NRG3: variants seen among roughly 807,000 people sequenced by gnomAD.
NRG3 encodes the protein pro-neuregulin-3, membrane-bound isoform.
A neutral mutation model predicts 66.9 loss-of-function variants in NRG3; 31 were observed. The ratio of observed to expected loss-of-function variants is 0.46; its 90% CI spans 0.35 to 0.63. The LOEUF (loss-of-function observed/expected upper bound fraction) is 0.63, where lower values mean the gene tolerates loss of function less well. NRG3 is among the 20% of genes least tolerant of loss of function. The probability of loss-of-function intolerance (pLI) is 0.00; values close to 1 mark genes in which losing one functional copy is unlikely to be tolerated. For missense variants in NRG3, 910 were observed against 878.9 expected (o/e 1.04, Z -0.45); for synonymous variants, 393 against 359.4 (o/e 1.09, Z -1.06).
chr10:82,409,813 A>G (rs937176109), intron 2 of NRG3, among the ~76,000 whole-genome samples: 2 of 152,146 alleles, frequency 1.3e-5, no homozygotes, highest in Non-Finnish European at 2.9e-5. Context: ...TGGCCTGCTC[A>G]TATAAGATGG....
At chr10:82,902,986 T>A (rs888198301) in intron 4 of NRG3, among the ~76,000 whole-genome samples, 4 of 152,122 alleles carry the variant, frequency 2.6e-5, no homozygotes, top group Non-Finnish European at 5.9e-5. Context: ...AAGTTAGGCA[T>A]GTCATGAATA....
intron 3 of NRG3, among the ~76,000 whole-genome samples, chr10:82,850,113 A>G (rs2063492980): frequency 6.6e-6 from 1 of 152,190 alleles, no homozygotes. Context: ...AAAGCATTGC[A>G]TATACAAGGA....
intron 2 of NRG3, among the ~76,000 whole-genome samples, chr10:82,524,626 T>C (rs996153951): frequency 2.0e-5 from 3 of 151,920 alleles, no homozygotes; most frequent in African/African-American, 7.2e-5. Flanking sequence ...ATTCACTGAG[T>C]TCCAGTAACA....
intron 1 of NRG3, among the ~76,000 whole-genome samples, chr10:81,964,269 C>A (rs2059641238): frequency 6.6e-6 from 1 of 151,516 alleles, no homozygotes; most frequent in Non-Finnish European, 1.5e-5. Context: ...TGTAGAATAA[C>A]TTTATTCTTT....
intron 1 of NRG3, among the ~76,000 whole-genome samples, chr10:81,977,361 T>C (rs1564706239): frequency 6.6e-6 from 1 of 152,214 alleles, no homozygotes; most frequent in Non-Finnish European, 1.5e-5. Flanking sequence ...GCTTGACATA[T>C]GTTAAATTCT....
chr10:82,122,480 A>G (rs565600671), intron 1 of NRG3, among the ~76,000 whole-genome samples: 271 of 152,296 alleles, frequency 1.8e-3, no homozygotes, highest in African/African-American at 6.0e-3. Context: ...GCCATTACAC[A>G]GTCTGATGAT....
intron 2 of NRG3, among the ~76,000 whole-genome samples, chr10:82,458,140 G>A (rs901725831): frequency 6.6e-6 from 1 of 152,094 alleles, no homozygotes; most frequent in African/African-American, 2.4e-5. Flanking sequence ...TTCCAGACAG[G>A]CTCTTCACAA....
intron 4 of NRG3, among the ~76,000 whole-genome samples, chr10:82,923,616 A>T (rs1846675697): frequency 6.6e-6 from 1 of 152,270 alleles, no homozygotes; most frequent in South Asian, 2.1e-4. Context: ...TTTGGTAAAT[A>T]TACAAATGTA....
At chr10:82,884,865 T>C (rs952020199) in intron 4 of NRG3, among the ~76,000 whole-genome samples, 1 of 152,226 alleles carries the variant, frequency 6.6e-6, no homozygotes, top group African/African-American at 2.4e-5. Flanking sequence ...GTAATGTGTA[T>C]ATTAAAGTTC....
chr10:82,435,779 C>CTTTTTTTTTTTTTT (rs1158502018), intron 2 of NRG3, among the ~76,000 whole-genome samples: 2 of 108,270 alleles, frequency 1.8e-5, no homozygotes, highest in African/African-American at 3.7e-5. Flanking sequence ...CTTTTCTTTT[C>CTTTTTTTTTTTTTT]TTTTTTTTTT....
At chr10:82,214,517 T>G (rs2133683824) in intron 1 of NRG3, among the ~76,000 whole-genome samples, 1 of 152,298 alleles carries the variant, frequency 6.6e-6, no homozygotes, top group East Asian at 1.9e-4. Context: ...TAGGCCGGAA[T>G]GCAGTGGTGC....
At chr10:82,637,695 G>A (rs1350379218) in intron 2 of NRG3, among the ~76,000 whole-genome samples, 1 of 152,146 alleles carries the variant, frequency 6.6e-6, no homozygotes, top group Non-Finnish European at 1.5e-5. Context: ...CTGAAGAAAT[G>A]TCTCAAACTG....
chr10:82,449,866 T>C (rs1242866736), intron 2 of NRG3, among the ~76,000 whole-genome samples: 3 of 152,158 alleles, frequency 2.0e-5, no homozygotes, highest in Admixed American at 6.5e-5. Context: ...TTCAGGGCTG[T>C]AAGAACTCAC....
chr10:82,132,516 G>C (rs1439268875), intron 1 of NRG3, among the ~76,000 whole-genome samples: 837 of 11,632 alleles, frequency 0.072, 106 homozygotes, highest in Non-Finnish European at 0.11. Flanking sequence ...ATATATATAT[G>C]ATATATATGA....
chr10:82,951,958 A>G (rs975930510), intron 5 of NRG3, among the ~76,000 whole-genome samples: 4 of 152,168 alleles, frequency 2.6e-5, no homozygotes, highest in Non-Finnish European at 4.4e-5. Context: ...ATTATCAACC[A>G]TTATCTATCT....
chr10:82,685,034 A>C (rs556045104), intron 2 of NRG3, among the ~76,000 whole-genome samples: 1 of 152,248 alleles, frequency 6.6e-6, no homozygotes, highest in Admixed American at 6.5e-5. Flanking sequence ...AAGGCAAGTC[A>C]TCTACGAAGT....
chr10:82,573,529 G>T (rs541924535), intron 2 of NRG3, among the ~76,000 whole-genome samples: 1 of 151,632 alleles, frequency 6.6e-6, no homozygotes, highest in Non-Finnish European at 1.5e-5. Context: ...AAACCTCTCC[G>T]CATAGTATGT....
At chr10:82,408,081 G>GAGAGAGAGAGAGAAAGAA (rs1564888020) in intron 2 of NRG3, among the ~76,000 whole-genome samples, 1 of 67,030 alleles carries the variant, frequency 1.5e-5, no homozygotes, top group African/African-American at 6.8e-5. Context: ...GAGAGAGAGA[G>GAGAGAGAGAGAGAAAGAA]AGACAGAAAG....
At chr10:82,262,851 G>A (rs1046410613) in intron 1 of NRG3, among the ~76,000 whole-genome samples, 3 of 152,162 alleles carry the variant, frequency 2.0e-5, no homozygotes, top group Non-Finnish European at 4.4e-5. Context: ...GAGGCTCAGA[G>A]AGTTAAAAAG....
Sources: allele counts gnomAD v4.1 joint callset (sites outside exome capture counted in the v4.1 genomes callset), GRCh38; gene constraint gnomAD v4.1.1; transcripts MANE v1.5; gene names NCBI Gene and HGNC (gene_info 2026-07-23, HGNC 2026-07-21).